DPP9: variants seen among roughly 807,000 people sequenced by gnomAD.
DPP9 encodes the protein dipeptidyl peptidase 9.
DPP9 carries 50 observed loss-of-function variants against 110.7 expected under a neutral mutation model. The ratio of observed to expected loss-of-function variants is 0.45; its 90% confidence interval spans 0.36 to 0.57. The LOEUF is 0.57. DPP9 is among the 20% of genes least tolerant of loss of function. DPP9 has a pLI of 0.00. For missense variants in DPP9, 1,022 were observed against 1,217.9 expected, an observed-to-expected ratio of 0.84 and a Z score of 2.39; for synonymous variants, 561 against 514.4, an observed-to-expected ratio of 1.09 and a Z score of -1.23.
At chr19:4,679,774 C>T in intron 21 of DPP9, 61 bp downstream of exon 21, 4 of 1,326,824 alleles carry the variant, frequency 3.0e-6, no homozygotes, top group Middle Eastern at 2.4e-4. Flanking sequence ...CCTCGTCCCA[C>T]CCCCCACTCC....
intron 2 of DPP9, among the ~76,000 whole-genome samples, chr19:4,720,945 G>A (rs941490601): frequency 6.6e-6 from 1 of 152,228 alleles, no homozygotes; most frequent in Admixed American, 6.5e-5. Context: ...CCCACTCAGG[G>A]TGAGGATTTC....
rs911682204 is a variant in DPP9 at position 4,693,662 on chromosome 19, G to A, written c.1516+999C>T. Among the ~76,000 whole-genome samples, 18 of 152,162 alleles carry A rather than the reference G, an allele frequency of 1.2e-4. 1 individual carries two copies. The highest frequency in any genetic ancestry group is 2.0e-4 in the Admixed American group (3 of 15,284). The stretch of plus-strand genomic sequence containing the variant: ...CCACTGCCATGACAGCAAGCCTGTC[G>A]CCTCTCCCGGCCCCTGGGCCTGTGT... On this transcript the variant is annotated intron_variant, in intron 13 of 21. Coordinates refer to ENST00000262960, the MANE Select transcript of DPP9 (RefSeq NM_139159.5). This position sits in a 1 kb window ranked among gnomAD's most constrained non-coding sequence, Gnocchi z 5.0.
intron 4 of DPP9, among the ~76,000 whole-genome samples, chr19:4,713,588 C>A (rs73543639): frequency 2.9e-4 from 44 of 152,342 alleles, no homozygotes; most frequent in African/African-American, 1.0e-3. Context: ...TTCTGCCATC[C>A]GGGCGGCTTT....
chr19:4,684,859 G>T lies in DPP9; in HGVS notation c.2032-50C>A, dbSNP rs1307623697. ...TCCAGCACGAGATGCCGGGCAGGAC[G>T]GGCCTGGCAGGGGAGATGCCGGTGG... On this transcript the variant is annotated intron_variant, in intron 17 of 21. Coordinates refer to ENST00000262960, the MANE Select transcript of DPP9 (RefSeq NM_139159.5). The surrounding 1 kb of genome is among the most constrained non-coding windows in gnomAD (Gnocchi z 4.8). The T allele has an allele frequency of 3.2e-6, 5 of 1,558,794 alleles. No individual in the cohort carries two copies. Among genetic ancestry groups the T allele is most frequent in the African/African-American group, 1.4e-5 (1 of 73,548 alleles).
chr19:4,705,667 C>A (rs1405955070), intron 5 of DPP9, among the ~76,000 whole-genome samples, 191 bp downstream of exon 5: 2 of 152,264 alleles, frequency 1.3e-5, no homozygotes, highest in Non-Finnish European at 2.9e-5. Context: ...GTAAGAGTTT[C>A]TCTGTCGCTT....
In DPP9 at chr19:4,687,890, T is replaced by C. The variant is rs1031027303; in HGVS notation, c.1885+867A>G. Among the ~76,000 whole-genome samples the C allele has an allele frequency of 6.6e-6, 1 of 152,158 alleles. No individual in the cohort carries two copies. Among genetic ancestry groups the C allele is most frequent in the Non-Finnish European group, 1.5e-5 (1 of 68,006 alleles). On this transcript the variant is annotated intron_variant, in intron 16 of 21. Coordinates refer to ENST00000262960, the MANE Select transcript of DPP9 (RefSeq NM_139159.5). This position sits in a 1 kb window ranked among gnomAD's most constrained non-coding sequence, Gnocchi z 4.7. ...TCAGCTCACTGCAACCTCTGTGTCC[T>C]GGGCTCAGGCCATTCTCTTGCCTCA...
Position 4,676,594 on chromosome 19 carries a change from C to A in DPP9, c.2649G>T (p.Thr883=). ...GGTATTCCTGTAGAAAGTGCAGCAACGTGACTTCATAGTGCTCGCCCGACT... is the reference window on the plus strand; with the variant it reads ...GGTATTCCTGTAGAAAGTGCAGCAAAGTGACTTCATAGTGCTCGCCCGACT... The part of the protein sequence containing the change: ...CPESGEHYEV[T]LLHFLQEYL The change falls in exon 22 of 22, where the codon ACG becomes ACT. Residue 883 remains threonine, a synonymous_variant. Transcript: ENST00000262960. The surrounding 1 kb of genome is among the most constrained non-coding windows in gnomAD (Gnocchi z 4.0). The A allele has an allele frequency of 4.4e-6, 7 of 1,607,888 alleles. No homozygotes were observed. Among genetic ancestry groups the A allele is most frequent in the Non-Finnish European group, 5.9e-6 (7 of 1,177,314 alleles).
In DPP9 at chr19:4,676,737, G is replaced by C; in HGVS notation, c.2587-81C>G. The C allele has an allele frequency of 8.1e-7, 1 of 1,231,426 alleles. No individual in the cohort carries two copies. The highest frequency in any genetic ancestry group is 1.2e-6 in the Non-Finnish European group (1 of 862,798). 76.3% of individuals were successfully genotyped at this position (1,231,426 alleles called of 1,614,324 possible). A position where few individuals can be genotyped will look rare whatever the true frequency, so the allele number is the denominator to read the frequency against. ...TAGGCTCCTCCCTTATTCTGGCTCA[G>C]GGCATCCGGGAAGGCGCAGGTGCTC... On this transcript the variant is annotated intron_variant, in intron 21 of 21. Coordinates refer to ENST00000262960, the MANE Select transcript of DPP9 (RefSeq NM_139159.5). This position sits in a 1 kb window ranked among gnomAD's most constrained non-coding sequence, Gnocchi z 4.0.
At chr19:4,702,741 A>G in intron 7 of DPP9, 25 bp from the exon 8 acceptor site, 1 of 1,470,332 alleles carries the variant, frequency 6.8e-7, no homozygotes. Flanking sequence ...GGAGAGCATC[A>G]ACAAGGGGTG....
chr19:4,699,095 C>T (rs1171904701), intron 10 of DPP9, among the ~76,000 whole-genome samples: 1 of 139,410 alleles, frequency 7.2e-6, no homozygotes, highest in Non-Finnish European at 1.5e-5. Context: ...GGAGGCGGAG[C>T]TTGCAGTGAG....
At chr19:4,722,649 G>A (rs747481939) in intron 1 of DPP9, 98 bp from the exon 2 acceptor site, 10 of 686,654 alleles carry the variant, frequency 1.5e-5, no homozygotes, top group Non-Finnish European at 2.4e-5. Flanking sequence ...TGTCAGGCCC[G>A]ATTCTACCTG....
chr19:4,712,900 G>A (rs1224974674), intron 4 of DPP9, among the ~76,000 whole-genome samples: 3 of 152,206 alleles, frequency 2.0e-5, no homozygotes, highest in African/African-American at 2.4e-5. Flanking sequence ...GATGACGGCC[G>A]TTCACTGGTT....
intron 7 of DPP9, among the ~76,000 whole-genome samples, 171 bp downstream of exon 7, chr19:4,703,715 G>A (rs186013097): frequency 1.5e-4 from 23 of 152,174 alleles, no homozygotes; most frequent in Admixed American, 5.9e-4. Context: ...ACTACAGAGC[G>A]GCAGGGACGC....
In DPP9 at chr19:4,676,625, C is replaced by G; in HGVS notation, c.2618G>C (p.Cys873Ser). 1 of 1,608,646 alleles carries G rather than the reference C, an allele frequency of 6.2e-7. No homozygotes were observed. Among genetic ancestry groups the G allele is most frequent in the Non-Finnish European group, 8.5e-7 (1 of 1,177,544 alleles). ...IYPNERHSIR[C>S]PESGEHYEVT... ...TTCATAGTGCTCGCCCGACTCGGGG[C>G]AGCGAATACTGTGTCTCTCGTTGGG... Residue 873 changes from cysteine (C) to serine (S), a missense_variant, in exon 22 of 22, where the codon TGC (cysteine) becomes TCC (serine). By Grantham distance (112) the Cys-to-Ser change is moderately radical. Coordinates refer to ENST00000262960, the MANE Select transcript of DPP9 (RefSeq NM_139159.5). This position sits in a 1 kb window ranked among gnomAD's most constrained non-coding sequence, Gnocchi z 4.0.
chr19:4,715,881 C>G (rs1188367641), intron 3 of DPP9: 1 of 152,308 alleles, frequency 6.6e-6, no homozygotes, highest in African/African-American at 2.4e-5. Context: ...CCCACTCCCG[C>G]CCTCGTCACT....
intron 2 of DPP9, among the ~76,000 whole-genome samples, chr19:4,721,907 G>A (rs1002987474): frequency 1.3e-5 from 2 of 152,172 alleles, no homozygotes; most frequent in African/African-American, 4.8e-5. Flanking sequence ...GTGGGCTCTG[G>A]TCTCAGAGAG....
intron 4 of DPP9, among the ~76,000 whole-genome samples, chr19:4,711,510 C>T (rs2092827295): frequency 1.3e-5 from 2 of 152,082 alleles, no homozygotes; most frequent in East Asian, 1.9e-4. Context: ...CGGTGGCTTA[C>T]GCCTGTAATC....
chr19:4,684,784 T>C lies in DPP9; in HGVS notation c.2057A>G (p.Lys686Arg). 1 of 1,599,402 alleles carries C rather than the reference T, an allele frequency of 6.3e-7. No individual in the cohort carries two copies. Among genetic ancestry groups the C allele is most frequent in the Non-Finnish European group, 8.5e-7 (1 of 1,173,608 alleles). ...GTTGAGCCGCAAGTACTTGATGCCTTTGAAGGAGTTATTCACCAGCTGCAC... is the reference window on the plus strand; with the variant it reads ...GTTGAGCCGCAAGTACTTGATGCCTCTGAAGGAGTTATTCACCAGCTGCAC... Reference protein sequence around the residue: ...PQVQLVNNSFKGIKYLRLNTL... With the variant: ...PQVQLVNNSFRGIKYLRLNTL... Residue 686 changes from lysine (K) to arginine (R), a missense_variant, in exon 18 of 22, where the codon AAA (lysine) becomes AGA (arginine). This residue lies in a region of DPP9 where 209 missense variants were observed against 280.4 expected (regional missense o/e 0.75). Coordinates refer to ENST00000262960, the MANE Select transcript of DPP9 (RefSeq NM_139159.5). This position sits in a 1 kb window ranked among gnomAD's most constrained non-coding sequence, Gnocchi z 4.8.
At chr19:4,706,772 C>T (rs890181946) in intron 4 of DPP9, among the ~76,000 whole-genome samples, 4 of 152,276 alleles carry the variant, frequency 2.6e-5, no homozygotes, top group East Asian at 3.9e-4. Flanking sequence ...GCCGAGATTG[C>T]GCCACTGTAG....
Sources: allele counts gnomAD v4.1 joint callset (sites outside exome capture counted in the v4.1 genomes callset), GRCh38; gene constraint gnomAD v4.1.1; regional missense constraint gnomAD v4.1.1; non-coding constraint Gnocchi (gnomAD v3.1); transcripts MANE v1.5; gene names NCBI Gene and HGNC (gene_info 2026-07-23, HGNC 2026-07-21).